The following TSPAN15 variants were observed in gnomAD, a reference collection of about 807,000 sequenced individuals.
TSPAN15 encodes tetraspanin 15.
TSPAN15 carries 20 observed loss-of-function variants against 34.5 expected under a neutral mutation model. The ratio of observed to expected loss-of-function variants is 0.58; its 90% confidence interval spans 0.41 to 0.84. The LOEUF (loss-of-function observed/expected upper bound fraction) is 0.84, where lower values mean the gene tolerates loss of function less well. TSPAN15 is among the 40% of genes least tolerant of loss of function. The pLI is 0.00. For missense variants in TSPAN15, 313 were observed against 386.1 expected (o/e 0.81, Z 1.59); for synonymous variants, 155 against 153.9 (o/e 1.01, Z -0.05).
At chr10:69,502,853 C>T (rs1842238958) in intron 5 of TSPAN15, among the ~76,000 whole-genome samples, 1 of 152,166 alleles carries the variant, frequency 6.6e-6, no homozygotes, top group Admixed American at 6.5e-5. Flanking sequence ...ACTCTTGTCA[C>T]CTCCCTACGT....
chr10:69,504,114 G>A (rs1460201060), intron 5 of TSPAN15, among the ~76,000 whole-genome samples: 1 of 152,200 alleles, frequency 6.6e-6, no homozygotes. Context: ...TGAGCAAAGC[G>A]GTGCTCTGGG....
intron 1 of TSPAN15, among the ~76,000 whole-genome samples, chr10:69,455,625 T>TC (rs140635415): frequency 0.19 from 16,000 of 82,670 alleles, 2,050 homozygotes; most frequent in African/African-American, 0.22. Context: ...TCTCTCTCTC[T>TC]CCCCCCCCCG....
At chr10:69,545,313 TG>T in the TSPAN15 span, among the ~76,000 whole-genome samples, 1 of 152,186 alleles carries the variant, frequency 6.6e-6, no homozygotes, top group Non-Finnish European at 1.5e-5. Context: ...CCCTGGGCTT[TG>T]GGGACTTCCT....
chr10:69,545,571 A>G, the TSPAN15 span, among the ~76,000 whole-genome samples: 2 of 152,220 alleles, frequency 1.3e-5, no homozygotes, highest in Admixed American at 1.3e-4. Flanking sequence ...AGCCAACAAA[A>G]GCAGGCACCA....
At chr10:69,507,797 T>A, downstream of TSPAN15, 2 of 522,646 alleles carry the variant, frequency 3.8e-6, no homozygotes, top group Non-Finnish European at 5.7e-6. Context: ...TAGCTTGGGA[T>A]ACAGGTGGGG....
At chr10:69,529,087 G>C in the TSPAN15 span, among the ~76,000 whole-genome samples, 1 of 148,426 alleles carries the variant, frequency 6.7e-6, no homozygotes, top group South Asian at 2.1e-4. Flanking sequence ...CTCCAAGATT[G>C]GAGTGGGTGC....
the TSPAN15 span, among the ~76,000 whole-genome samples, chr10:69,544,943 C>T: frequency 6.6e-6 from 1 of 152,194 alleles, no homozygotes; most frequent in Non-Finnish European, 1.5e-5. Flanking sequence ...CCCTTTGTGG[C>T]TCCCACGCCT....
chr10:69,465,891 C>T (rs921750597), intron 1 of TSPAN15, among the ~76,000 whole-genome samples: 1 of 152,222 alleles, frequency 6.6e-6, no homozygotes, highest in East Asian at 1.9e-4. Context: ...GAAGGCCATC[C>T]CGGTCAGGTT....
chr10:69,498,520 G>T (rs1387212280), intron 5 of TSPAN15, 124 bp downstream of exon 5: 6 of 768,590 alleles, frequency 7.8e-6, no homozygotes, highest in Non-Finnish European at 1.3e-5. Flanking sequence ...AGTAGGAGTT[G>T]GTGGCAGAGC....
intron 3 of TSPAN15, among the ~76,000 whole-genome samples, chr10:69,488,607 G>C (rs551090107): frequency 6.6e-5 from 10 of 152,330 alleles, no homozygotes; most frequent in Admixed American, 5.9e-4. Context: ...TACAAAGAGA[G>C]GAATTTTACA....
the TSPAN15 span, among the ~76,000 whole-genome samples, chr10:69,530,818 CTCTATATATATATATATATATATA>C: frequency 1.0e-3 from 43 of 42,562 alleles, no homozygotes; most frequent in African/African-American, 3.2e-3. Flanking sequence ...CTCTCTCTCT[CTCTATATATATATATATATATATA>C]TATATATATA....
intron 1 of TSPAN15, among the ~76,000 whole-genome samples, chr10:69,471,176 G>A (rs1243319324): frequency 6.6e-6 from 1 of 152,144 alleles, no homozygotes; most frequent in East Asian, 1.9e-4. Context: ...GGATTTTTGT[G>A]GTTTTCTTTC....
rs1356436327 is a variant in TSPAN15 at position 69,459,929 on chromosome 10, C to CCCG, written c.96+8240_96+8241insCGC. On this transcript the variant is annotated intron_variant, in intron 1 of 7. Transcript: ENST00000373290. ...GAGGGAGACTCTAGGCACCCCCCCC[C>CCCG]CACGAATGGAGGGAGACTCTAGGGC... Among the ~76,000 whole-genome samples the CCCG allele has an allele frequency of 1.5e-3, 199 of 134,692 alleles. 2 individuals carry two copies. Among genetic ancestry groups the CCCG allele is most frequent in the African/African-American group, 5.2e-3 (195 of 37,624 alleles). 88.4% of individuals were successfully genotyped at this position (134,692 alleles called of 152,430 possible). A position where few individuals can be genotyped will look rare whatever the true frequency, so the allele number is the denominator to read the frequency against.
intron 5 of TSPAN15, among the ~76,000 whole-genome samples, chr10:69,504,087 C>T (rs1268864067): frequency 1.3e-5 from 2 of 152,196 alleles, no homozygotes; most frequent in Non-Finnish European, 2.9e-5. Context: ...AGCCCCACCC[C>T]GACCTCTGAG....
At chr10:69,488,106 A>G (rs1011662093) in intron 3 of TSPAN15, among the ~76,000 whole-genome samples, 3 of 152,182 alleles carry the variant, frequency 2.0e-5, no homozygotes, top group African/African-American at 7.2e-5. Context: ...ATGAACTCAT[A>G]TTTCCTCTGA....
At chr10:69,481,210 C>T (rs951318378) in intron 1 of TSPAN15, among the ~76,000 whole-genome samples, 8 of 152,196 alleles carry the variant, frequency 5.3e-5, no homozygotes, top group Non-Finnish European at 1.0e-4. Context: ...TGTGTGTGTC[C>T]TGCCTTCTAA....
At chr10:69,484,872 T>A (rs1168076315) in intron 2 of TSPAN15, among the ~76,000 whole-genome samples, 1 of 152,154 alleles carries the variant, frequency 6.6e-6, no homozygotes, top group African/African-American at 2.4e-5. Flanking sequence ...CTCTTCCACA[T>A]AGACCCCCAA....
chr10:69,493,286 G>T (rs1375711761), intron 3 of TSPAN15, among the ~76,000 whole-genome samples: 1 of 152,196 alleles, frequency 6.6e-6, no homozygotes, highest in Non-Finnish European at 1.5e-5. Flanking sequence ...GGGGGCCAGT[G>T]CCAGGTCCGC....
At chr10:69,533,618 C>T in the TSPAN15 span, among the ~76,000 whole-genome samples, 1 of 152,264 alleles carries the variant, frequency 6.6e-6, no homozygotes, top group African/African-American at 2.4e-5. Flanking sequence ...CACTAAATAA[C>T]TTACTCATGC....
Sources: gnomAD v4.1 joint callset for allele counts (sites outside exome capture counted in the v4.1 genomes callset) on GRCh38, gnomAD v4.1.1 for gene constraint, MANE v1.5 for transcripts, NCBI Gene and HGNC (gene_info 2026-07-23, HGNC 2026-07-21) for gene names.